Variants in ENTHD1 observed in about 807,000 individuals in gnomAD.
ENTHD1 encodes the protein ENTH domain-containing protein 1.
ENTHD1 carries 23 observed loss-of-function variants against 39.1 expected under a neutral mutation model. The ratio of observed to expected loss-of-function variants is 0.59; its 90% CI spans 0.42 to 0.83. ENTHD1 has a LOEUF of 0.83. ENTHD1 is among the 40% of genes least tolerant of loss of function. The probability of loss-of-function intolerance (pLI) is 0.00; values close to 1 mark genes in which losing one functional copy is unlikely to be tolerated. For synonymous variants in ENTHD1, 230 were observed against 258.2 expected (o/e 0.89, Z 1.05); for missense variants, 624 against 705.4 (o/e 0.88, Z 1.31).
chr22:39,837,508 C>T (rs1019888380), intron 3 of ENTHD1, among the ~76,000 whole-genome samples: 4 of 152,196 alleles, frequency 2.6e-5, no homozygotes, highest in South Asian at 2.1e-4. Flanking sequence ...GTTAAAAATA[C>T]GAACATAGAG....
intron 5 of ENTHD1, among the ~76,000 whole-genome samples, chr22:39,819,380 AC>A (rs148092120): frequency 0.07 from 10,574 of 150,664 alleles, 405 homozygotes; most frequent in South Asian, 0.12. Flanking sequence ...AAAAACAAAA[AC>A]AAAAAAAGAA....
chr22:39,816,305 CA>C (rs1203325511), intron 5 of ENTHD1, among the ~76,000 whole-genome samples: 2 of 152,010 alleles, frequency 1.3e-5, no homozygotes, highest in Non-Finnish European at 2.9e-5. Context: ...GAATCTGTGT[CA>C]AATCAGGGAA....
chr22:39,824,201 C>CTTTTTTTT (rs71197195), intron 4 of ENTHD1, among the ~76,000 whole-genome samples: 1 of 71,414 alleles, frequency 1.4e-5, no homozygotes. Context: ...TTGTCCAGTT[C>CTTTTTTTT]TTTTTTTTTT....
chr22:39,879,245 G>A (rs1315084026), intron 2 of ENTHD1, among the ~76,000 whole-genome samples: 5 of 151,604 alleles, frequency 3.3e-5, no homozygotes, highest in Admixed American at 6.6e-5. Flanking sequence ...GGCGGATCAC[G>A]AGGTCAGGAG....
intron 5 of ENTHD1, among the ~76,000 whole-genome samples, chr22:39,766,447 G>A (rs28441655): frequency 6.6e-6 from 1 of 152,132 alleles, no homozygotes; most frequent in African/African-American, 2.4e-5. Context: ...CAAATTCTTA[G>A]GAACACCCTC....
intron 3 of ENTHD1, among the ~76,000 whole-genome samples, chr22:39,854,461 A>C (rs2066069052): frequency 6.6e-6 from 1 of 152,178 alleles, no homozygotes; most frequent in African/African-American, 2.4e-5. Flanking sequence ...AACACAGGTA[A>C]AGTTTTGCTG....
intron 3 of ENTHD1, among the ~76,000 whole-genome samples, chr22:39,843,533 CGCACCA>C (rs2065963233): frequency 2.0e-5 from 3 of 151,662 alleles, no homozygotes; most frequent in Non-Finnish European, 2.9e-5. Context: ...GTGGGTGCAG[CGCACCA>C]GCGTGGCACA....
At chr22:39,820,441 G>A (rs538723203) in intron 5 of ENTHD1, among the ~76,000 whole-genome samples, 2 of 152,264 alleles carry the variant, frequency 1.3e-5, no homozygotes, top group African/African-American at 4.8e-5. Context: ...TGAAAATTGA[G>A]AGTTCATGGA....
chr22:39,815,655 C>T (rs2065728110), intron 5 of ENTHD1, among the ~76,000 whole-genome samples: 1 of 152,048 alleles, frequency 6.6e-6, no homozygotes, highest in African/African-American at 2.4e-5. Flanking sequence ...AACTCCTGTC[C>T]CTGAGAACCA....
rs571272850 is a variant in ENTHD1 at position 39,887,380 on chromosome 22, T to C, written c.349+20A>G. 2.5e-6 allele frequency: 4 copies of C among 1,574,406 alleles called. No homozygotes were observed. The highest frequency in any genetic ancestry group is 3.4e-6 in the Non-Finnish European group (4 of 1,160,880). On this transcript the variant is annotated intron_variant, in intron 2 of 6. Transcript: ENST00000325157. The stretch of plus-strand genomic sequence containing the variant: ...TGTACACCACCACACCCAGCTTATA[T>C]AAACTTCTTTAACCATTACCTTGGT...
chr22:39,791,974 G>C (rs1278886241), intron 5 of ENTHD1, among the ~76,000 whole-genome samples: 1 of 151,950 alleles, frequency 6.6e-6, no homozygotes, highest in African/African-American at 2.4e-5. Context: ...ACTTATAAGT[G>C]AGAATATGCG....
intron 4 of ENTHD1, among the ~76,000 whole-genome samples, chr22:39,831,269 C>A (rs142064136): frequency 2.6e-5 from 4 of 152,128 alleles, no homozygotes; most frequent in Non-Finnish European, 4.4e-5. Flanking sequence ...ATCCTTTGGT[C>A]TAGGGACCAG....
chr22:39,883,828 T>C lies in ENTHD1; in HGVS notation c.349+3572A>G, dbSNP rs2066359175. ...GAGATCATGCCACTGCACTCCAGCC[T>C]GGATGACAGAGCAAGGCTCTGTCCC... On this transcript the variant is annotated intron_variant, in intron 2 of 6. Coordinates refer to ENST00000325157, the MANE Select transcript of ENTHD1 (RefSeq NM_152512.4). Among the ~76,000 whole-genome samples the C allele has an allele frequency of 2.3e-5, 3 of 127,662 alleles. No homozygotes were observed. In the South Asian group the frequency reaches 7.5e-4, roughly 32 times the overall value. 83.8% of individuals were successfully genotyped at this position (127,662 alleles called of 152,430 possible). A position where few individuals can be genotyped will look rare whatever the true frequency, so the allele number is the denominator to read the frequency against.
intron 5 of ENTHD1, among the ~76,000 whole-genome samples, chr22:39,783,432 T>G (rs1373750175): frequency 6.6e-6 from 1 of 151,998 alleles, no homozygotes; most frequent in African/African-American, 2.4e-5. Context: ...CAAGAGACAC[T>G]GAATAGCCAA....
chr22:39,805,487 C>T (rs1483607845), intron 5 of ENTHD1, among the ~76,000 whole-genome samples: 2 of 152,212 alleles, frequency 1.3e-5, no homozygotes, highest in Non-Finnish European at 2.9e-5. Flanking sequence ...CATGGCTTAA[C>T]TGTGCTAAGC....
At chr22:39,755,897 A>G (rs923926714) in intron 6 of ENTHD1, among the ~76,000 whole-genome samples, 1 of 152,122 alleles carries the variant, frequency 6.6e-6, no homozygotes, top group Non-Finnish European at 1.5e-5. Context: ...CTGACCTGCA[A>G]GAGGTCAGGT....
At chr22:39,793,654 T>G (rs558748187) in intron 5 of ENTHD1, among the ~76,000 whole-genome samples, 61 of 152,292 alleles carry the variant, frequency 4.0e-4, no homozygotes, top group African/African-American at 1.4e-3. Context: ...TAATCCGGGG[T>G]CTAGTTTCAT....
intron 5 of ENTHD1, among the ~76,000 whole-genome samples, chr22:39,804,365 A>G (rs980849196): frequency 2.0e-5 from 3 of 150,468 alleles, no homozygotes; most frequent in African/African-American, 7.3e-5. Context: ...ACATGCCTCT[A>G]GTCCCAGTTA....
At chr22:39,831,784 C>T (rs1398989804) in intron 4 of ENTHD1, among the ~76,000 whole-genome samples, 2 of 151,992 alleles carry the variant, frequency 1.3e-5, no homozygotes, top group Non-Finnish European at 2.9e-5. Flanking sequence ...CGAGATCATG[C>T]CACTACACTC....
Sources: allele counts gnomAD v4.1 joint callset (sites outside exome capture counted in the v4.1 genomes callset), GRCh38; gene constraint gnomAD v4.1.1; transcripts MANE v1.5; gene names NCBI Gene and HGNC (gene_info 2026-07-23, HGNC 2026-07-21).